HPSE2: variants seen among roughly 807,000 people sequenced by gnomAD.
The protein encoded by HPSE2 is heparanase 2 (inactive), also known as inactive heparanase-2.
HPSE2 carries 38 observed loss-of-function variants against 60.5 expected under a neutral mutation model. The observed-to-expected ratio is 0.63, with a 90% confidence interval of 0.48 to 0.82. HPSE2 has a LOEUF of 0.82. Among genes scored for constraint, HPSE2 ranks in the 40% least tolerant of loss-of-function variants. The pLI, the probability that HPSE2 is intolerant of heterozygous loss-of-function variation, is 0.00. For missense variants in HPSE2, 713 were observed against 740.4 expected (o/e 0.96, Z 0.43); for synonymous variants, 295 against 293.2 (o/e 1.01, Z -0.06).
At chr10:99,302,412 C>T in the HPSE2 span, among the ~76,000 whole-genome samples, 1 of 152,150 alleles carries the variant, frequency 6.6e-6, no homozygotes, top group Non-Finnish European at 1.5e-5. Context: ...CTATTCACTA[C>T]TGGGGACGCC....
At chr10:99,175,130 G>A (rs949718605) in intron 2 of HPSE2, among the ~76,000 whole-genome samples, 3 of 152,182 alleles carry the variant, frequency 2.0e-5, no homozygotes, top group African/African-American at 7.2e-5. Context: ...AGACCAGGAG[G>A]TACCCTCAGG....
chr10:98,848,038 A>G (rs1952074885), intron 3 of HPSE2, among the ~76,000 whole-genome samples: 2 of 152,248 alleles, frequency 1.3e-5, no homozygotes, highest in South Asian at 4.1e-4. Context: ...AATAGTCGTT[A>G]AAAGATTAAA....
chr10:98,510,986 AAC>A (rs1591291882), intron 9 of HPSE2, among the ~76,000 whole-genome samples: 1 of 152,214 alleles, frequency 6.6e-6, no homozygotes, highest in Admixed American at 6.5e-5. Context: ...TTAGAATTGA[AAC>A]ACATATTCAA....
intron 6 of HPSE2, among the ~76,000 whole-genome samples, chr10:98,677,101 T>C (rs1947664587): frequency 6.6e-6 from 1 of 152,170 alleles, no homozygotes; most frequent in Non-Finnish European, 1.5e-5. Context: ...ACCATCTCTT[T>C]CAGAAGAAAG....
In HPSE2 at chr10:98,679,698, C is replaced by T. The variant is rs748946154; in HGVS notation, c.1004+14202G>A. Among the ~76,000 whole-genome samples the T allele has an allele frequency of 3.9e-5, 6 of 151,970 alleles. No homozygotes were observed. The East Asian group carries it at 5.8e-4, about 15-fold the overall frequency. ...CACTTTGTGGGATTATTTTAGTTTT[C>T]GTTTTCTGAGAAATAGGGTCTTGCT... On this transcript the variant is annotated intron_variant, in intron 6 of 11. Transcript: ENST00000370552.
intron 3 of HPSE2, among the ~76,000 whole-genome samples, chr10:98,960,714 TTTTTTTG>T (rs1481372324): frequency 0.03 from 1,598 of 53,112 alleles, 22 homozygotes; most frequent in African/African-American, 0.068. Context: ...TTTTTTTTTT[TTTTTTTG>T]TTTTATTTTT....
chr10:98,459,807 G>T, intron 11 of HPSE2, 68 bp from the exon 12 acceptor site: 1 of 1,444,354 alleles, frequency 6.9e-7, no homozygotes, highest in Non-Finnish European at 9.5e-7. Flanking sequence ...ACAAAGCCTA[G>T]CCCCAGATGG....
intron 3 of HPSE2, among the ~76,000 whole-genome samples, chr10:99,052,769 A>T (rs1159557503): frequency 6.6e-6 from 1 of 152,124 alleles, no homozygotes; most frequent in African/African-American, 2.4e-5. Context: ...ACATTTAAAA[A>T]ATAAAAAGCA....
intron 2 of HPSE2, among the ~76,000 whole-genome samples, chr10:99,220,988 G>A (rs1188778223): frequency 1.3e-5 from 2 of 151,186 alleles, no homozygotes; most frequent in Non-Finnish European, 2.9e-5. Flanking sequence ...GGGATTACAG[G>A]TGCCCGCCAT....
chr10:98,913,147 A>G (rs528366523), intron 3 of HPSE2, among the ~76,000 whole-genome samples: 1 of 152,344 alleles, frequency 6.6e-6, no homozygotes, highest in Non-Finnish European at 1.5e-5. Context: ...AATTTTCAAA[A>G]TAAATATATT....
intron 3 of HPSE2, among the ~76,000 whole-genome samples, chr10:99,114,874 A>C (rs959033154): frequency 1.1e-4 from 16 of 148,570 alleles, no homozygotes; most frequent in Non-Finnish European, 2.1e-4. Flanking sequence ...AGATGGCGCC[A>C]CTGCACTCCA....
At chr10:99,150,403 C>A (rs1482106092) in intron 2 of HPSE2, among the ~76,000 whole-genome samples, 1 of 152,088 alleles carries the variant, frequency 6.6e-6, no homozygotes, top group Non-Finnish European at 1.5e-5. Flanking sequence ...CACCACAGCT[C>A]GAACTCCTAG....
chr10:99,064,133 TAC>T (rs1340274501), intron 3 of HPSE2, among the ~76,000 whole-genome samples: 2 of 152,126 alleles, frequency 1.3e-5, no homozygotes, highest in Non-Finnish European at 2.9e-5. Flanking sequence ...CGGAAGTTTA[TAC>T]AGCTGCTAAT....
chr10:99,292,225 A>C, the HPSE2 span, among the ~76,000 whole-genome samples: 3 of 152,218 alleles, frequency 2.0e-5, no homozygotes, highest in African/African-American at 7.2e-5. Flanking sequence ...CAGGCTGGGA[A>C]CTGGCTAAAA....
chr10:98,485,456 G>A (rs1014631078), intron 10 of HPSE2, among the ~76,000 whole-genome samples: 13 of 152,068 alleles, frequency 8.5e-5, no homozygotes, highest in Admixed American at 1.3e-4. Flanking sequence ...CTCCTCCTCC[G>A]GTCCTTCTTA....
chr10:98,851,025 C>T (rs1237806870), intron 3 of HPSE2, among the ~76,000 whole-genome samples: 2 of 152,106 alleles, frequency 1.3e-5, no homozygotes, highest in Admixed American at 6.5e-5. Context: ...AATGTCAAAC[C>T]GAGTTGGCAA....
At chr10:98,472,895 T>A (rs1402326295) in intron 11 of HPSE2, among the ~76,000 whole-genome samples, 1 of 152,104 alleles carries the variant, frequency 6.6e-6, no homozygotes, top group African/African-American at 2.4e-5. Flanking sequence ...ATGGAGGAAA[T>A]TGCCTTATAC....
At chr10:98,582,395 T>C (rs763039276) in intron 9 of HPSE2, among the ~76,000 whole-genome samples, 1 of 152,220 alleles carries the variant, frequency 6.6e-6, no homozygotes, top group Admixed American at 6.5e-5. Flanking sequence ...ATAATACTAT[T>C]ACAGATTATC....
chr10:98,646,861 T>A (rs955833001), intron 6 of HPSE2, among the ~76,000 whole-genome samples: 2 of 152,142 alleles, frequency 1.3e-5, no homozygotes, highest in African/African-American at 4.8e-5. Flanking sequence ...AAATGGAAAA[T>A]CACCTACAGT....
Sources: gnomAD v4.1 joint callset for allele counts (sites outside exome capture counted in the v4.1 genomes callset) on GRCh38, gnomAD v4.1.1 for gene constraint, MANE v1.5 for transcripts, NCBI Gene and HGNC (gene_info 2026-07-23, HGNC 2026-07-21) for gene names.